The following CPM variants were observed in gnomAD, a reference collection of about 807,000 sequenced individuals.
The protein encoded by CPM is carboxypeptidase M.
A neutral mutation model predicts 46.4 loss-of-function variants in CPM; 35 were observed. That is an observed-to-expected ratio of 0.75 (90% confidence interval 0.58 to 1.00). The LOEUF (loss-of-function observed/expected upper bound fraction) is 1.00, where lower values mean the gene tolerates loss of function less well. Ranked by LOEUF, CPM falls within the 50% of genes least tolerant of loss-of-function variation. The probability of loss-of-function intolerance (pLI) is 0.00; values close to 1 mark genes in which losing one functional copy is unlikely to be tolerated. For missense variants in CPM, 422 were observed against 530.4 expected (o/e 0.80, Z 2.01); for synonymous variants, 195 against 195.3 (o/e 1.00, Z 0.01).
intron 1 of CPM, among the ~76,000 whole-genome samples, chr12:68,946,847 G>A (rs1196728138): frequency 6.6e-6 from 1 of 152,168 alleles, no homozygotes; most frequent in East Asian, 1.9e-4. Flanking sequence ...TCCAAAATTT[G>A]CTCACTGGAG....
intron 2 of CPM, among the ~76,000 whole-genome samples, chr12:68,925,482 C>T (rs1342049682): frequency 6.6e-6 from 1 of 151,938 alleles, no homozygotes; most frequent in Non-Finnish European, 1.5e-5. Flanking sequence ...ATCATAACAG[C>T]GAAAGTTTAG....
intron 1 of CPM, among the ~76,000 whole-genome samples, chr12:68,955,814 T>C (rs1319774027): frequency 6.6e-6 from 1 of 152,164 alleles, no homozygotes; most frequent in Non-Finnish European, 1.5e-5. Context: ...GTCTGGGGTT[T>C]ATACAGGCTT....
chr12:68,856,116 ATCT>A lies in CPM; in HGVS notation c.*318_*320del, dbSNP rs1334513973. On this transcript the variant is annotated 3_prime_UTR_variant, in exon 9 of 9. Coordinates refer to ENST00000551568, the MANE Select transcript of CPM (RefSeq NM_198320.5). ...CATCCGGTTCTCTGTATACAAAATG[ATCT>A]TCTTTTTGCAGGCATTTTTTTGCTT... The A allele has an allele frequency of 1.4e-5, 4 of 295,072 alleles. No homozygotes were observed. The highest frequency in any genetic ancestry group is 4.7e-5 in the Admixed American group (1 of 21,342). The allele number at this position is 295,072 out of a possible 1,614,324, so 18.3% of individuals were successfully genotyped here. A position where few individuals can be genotyped will look rare whatever the true frequency, so the allele number is the denominator to read the frequency against.
At chr12:68,940,192 G>A (rs541381563) in intron 1 of CPM, among the ~76,000 whole-genome samples, 41 of 151,236 alleles carry the variant, frequency 2.7e-4, no homozygotes, top group Middle Eastern at 6.8e-3. Context: ...GAAAGTATAG[G>A]GTTCCCATAT....
chr12:68,928,730 C>T (rs1888374036), intron 2 of CPM, among the ~76,000 whole-genome samples: 1 of 148,430 alleles, frequency 6.7e-6, no homozygotes, highest in Non-Finnish European at 1.5e-5. Flanking sequence ...TAGCAGGAGG[C>T]AAGACAAGAT....
At chr12:68,844,047 A>T (rs904004593) in intron 5 of CPM, 3 of 206,588 alleles carry the variant, frequency 1.5e-5, no homozygotes, top group Non-Finnish European at 3.0e-5. Context: ...TACACTTGAT[A>T]TATGGAGGCA....
intron 2 of CPM, among the ~76,000 whole-genome samples, chr12:68,898,373 GCTTTT>G (rs1683121002): frequency 6.6e-6 from 1 of 152,094 alleles, no homozygotes; most frequent in Non-Finnish European, 1.5e-5. Context: ...GAGAAGAAAG[GCTTTT>G]CTTTCAGTCA....
intron 2 of CPM, among the ~76,000 whole-genome samples, chr12:68,890,458 A>T (rs191916825): frequency 2.0e-5 from 3 of 152,190 alleles, no homozygotes; most frequent in Admixed American, 1.3e-4. Flanking sequence ...TTTGATCTTC[A>T]CACCTGTGAG....
At chr12:68,882,445 T>G (rs958347539) in intron 3 of CPM, among the ~76,000 whole-genome samples, 1 of 152,204 alleles carries the variant, frequency 6.6e-6, no homozygotes, top group Admixed American at 6.5e-5. Flanking sequence ...ATATGTACCA[T>G]GTTTTCTTTA....
rs559131483 is a variant in CPM at position 68,852,471 on chromosome 12, G to A, written c.*3966C>T. 3.9e-5 allele frequency: 6 copies of A among 152,208 alleles called. No individual in the cohort carries two copies. In the South Asian group the frequency reaches 8.3e-4, roughly 21 times the overall value. 9.4% of individuals were successfully genotyped at this position (152,208 alleles called of 1,614,324 possible). A position where few individuals can be genotyped will look rare whatever the true frequency, so the allele number is the denominator to read the frequency against. ...GAATCACCGTTCAGCGTGGCGGGGG[G>A]TGGTCTCCATTTTACAGATAAAGAA... On this transcript the variant is annotated 3_prime_UTR_variant, in exon 9 of 9. Coordinates refer to ENST00000551568, the MANE Select transcript of CPM (RefSeq NM_198320.5).
intron 3 of CPM, 107 bp from the exon 4 acceptor site, chr12:68,872,063 A>C: frequency 1.3e-5 from 14 of 1,102,660 alleles, no homozygotes; most frequent in Non-Finnish European, 1.7e-5. Context: ...ATGATATCTC[A>C]GACCCAAACT....
At chr12:68,899,215 T>C (rs1887014062) in intron 2 of CPM, among the ~76,000 whole-genome samples, 2 of 152,228 alleles carry the variant, frequency 1.3e-5, no homozygotes, top group African/African-American at 4.8e-5. Context: ...TCCTTCAAAA[T>C]GTATTAGCAC....
chr12:68,916,227 T>C (rs939729849), intron 2 of CPM, among the ~76,000 whole-genome samples: 1 of 152,210 alleles, frequency 6.6e-6, no homozygotes, highest in African/African-American at 2.4e-5. Context: ...GAATAATTAA[T>C]GCTTGTCAGT....
At chr12:68,845,337 A>G (rs187646413) in intron 5 of CPM, 9 of 212,326 alleles carry the variant, frequency 4.2e-5, no homozygotes, top group Non-Finnish European at 7.6e-5. Flanking sequence ...TTTGAGGTAG[A>G]TATCTGAAAG....
chr12:68,934,731 T>C (rs1048354587), upstream of CPM, among the ~76,000 whole-genome samples: 2 of 152,186 alleles, frequency 1.3e-5, no homozygotes, highest in African/African-American at 4.8e-5. Flanking sequence ...AGTGGCTGTG[T>C]CGACTCTGTG....
chr12:68,869,511 G>T lies in CPM; in HGVS notation c.617-16C>A. Reference sequence around the variant, plus strand: ...GCCCCAGTTGCTGCATTTAAAAGATGAACCAAGACCTTTAAACTGACTTGA... The same window carrying T: ...GCCCCAGTTGCTGCATTTAAAAGATTAACCAAGACCTTTAAACTGACTTGA... On this transcript the variant is annotated splice_polypyrimidine_tract_variant and intron_variant, in intron 5 of 8. Coordinates refer to ENST00000551568, the MANE Select transcript of CPM (RefSeq NM_198320.5). The T allele has an allele frequency of 2.5e-6, 4 of 1,593,970 alleles. No homozygotes were observed. Among genetic ancestry groups the T allele is most frequent in the Non-Finnish European group, 3.4e-6 (4 of 1,169,958 alleles).
At chr12:68,850,969 A>T (rs986173667), downstream of CPM, among the ~76,000 whole-genome samples, 2 of 152,006 alleles carry the variant, frequency 1.3e-5, no homozygotes, top group African/African-American at 4.8e-5. Flanking sequence ...TATTATATAT[A>T]ATATATATAA....
rs759211585 is a variant in CPM, at chr12:68,870,377, A to G, written c.454T>C (p.Leu152=). 5 of 1,614,150 alleles carry G rather than the reference A, an allele frequency of 3.1e-6. No homozygotes were observed. The highest frequency in any genetic ancestry group is 1.1e-5 in the South Asian group (1 of 91,072). The change falls in exon 5 of 9, where the codon TTG becomes CTG. Residue 152 remains leucine (L), a synonymous_variant. Transcript: ENST00000551568. The stretch of plus-strand genomic sequence containing the variant: ...AAAGCATCGGGGAAATTTCGATTCA[A>G]GTCATACTGGTTATAATTTTCCCTT... ...IGRENYNQYD[L]NRNFPDAFEY...
intron 1 of CPM, among the ~76,000 whole-genome samples, chr12:68,940,889 G>A (rs1246119752): frequency 6.6e-6 from 1 of 152,050 alleles, no homozygotes; most frequent in African/African-American, 2.4e-5. Context: ...AGTGTACAGT[G>A]CAGTTGTGTT....
Sources: gnomAD v4.1 joint callset for allele counts (sites outside exome capture counted in the v4.1 genomes callset) on GRCh38, gnomAD v4.1.1 for gene constraint, MANE v1.5 for transcripts, NCBI Gene and HGNC (gene_info 2026-07-23, HGNC 2026-07-21) for gene names.